Variants in NOD1 observed in about 807,000 individuals in gnomAD.
NOD1 encodes the protein nucleotide-binding oligomerization domain-containing protein 1.
Under a neutral mutation model 81.2 loss-of-function variants are expected in NOD1, and 70 were observed. That is an observed-to-expected ratio of 0.86 (90% confidence interval 0.71 to 1.05). The LOEUF is 1.05. Ranked by LOEUF, NOD1 falls within the 50% of genes least tolerant of loss-of-function variation. The pLI is 0.00. For missense variants in NOD1, 1,233 were observed against 1,228.0 expected, an observed-to-expected ratio of 1.00 and a Z score of -0.06; for synonymous variants, 508 against 526.9, an observed-to-expected ratio of 0.96 and a Z score of 0.49.
intron 3 of NOD1, among the ~76,000 whole-genome samples, chr7:30,458,107 G>A (rs1177971299): frequency 6.6e-6 from 1 of 152,132 alleles, no homozygotes; most frequent in African/African-American, 2.4e-5. Flanking sequence ...GTCTGGGTAG[G>A]AACAGGGACC....
chr7:30,469,255 G>A lies in NOD1; in HGVS notation c.-351-9214C>T, dbSNP rs1200352010. 5.1e-6 allele frequency: 5 copies of A among 984,948 alleles called. No individual in the cohort carries two copies. The African/African-American group carries it at 7.0e-5, about 14-fold the overall frequency. The allele number at this position is 984,948 out of a possible 1,614,324, so 61.0% of individuals were successfully genotyped here. A position where few individuals can be genotyped will look rare whatever the true frequency, so the allele number is the denominator to read the frequency against. On this transcript the variant is annotated intron_variant, in intron 1 of 13. Transcript: ENST00000222823. ...GGAGACAATTTAGCAGATGGATGAAGCTACAATTATTATTGGAAGCTTTTT... is the reference window on the plus strand; with the variant it reads ...GGAGACAATTTAGCAGATGGATGAAACTACAATTATTATTGGAAGCTTTTT...
At chr7:30,447,830 T>A (rs1041839324) in intron 7 of NOD1, 5 of 157,734 alleles carry the variant, frequency 3.2e-5, no homozygotes, top group Admixed American at 2.5e-4. Context: ...GACTGTTTCA[T>A]ACATTCTGCG....
intron 13 of NOD1, 120 bp downstream of exon 13, chr7:30,429,254 T>C (rs1562650577): frequency 2.4e-6 from 2 of 847,398 alleles, no homozygotes; most frequent in South Asian, 2.8e-5. Context: ...GGTAATACCA[T>C]TACTGTGCAG....
chr7:30,459,437 T>C (rs755703943), intron 2 of NOD1, among the ~76,000 whole-genome samples, 197 bp from the exon 3 acceptor site: 9 of 152,244 alleles, frequency 5.9e-5, no homozygotes, highest in Non-Finnish European at 1.3e-4. Context: ...CTTGCCATAA[T>C]TGAGTCACAC....
chr7:30,446,506 C>G, intron 8 of NOD1: 1 of 474,418 alleles, frequency 2.1e-6, no homozygotes, highest in Non-Finnish European at 3.8e-6. Context: ...AGCAGCATCA[C>G]TGACTTCCCT....
chr7:30,477,484 C>T (rs1041668131), intron 1 of NOD1, among the ~76,000 whole-genome samples: 2 of 152,106 alleles, frequency 1.3e-5, no homozygotes, highest in African/African-American at 2.4e-5. Context: ...TTGGCAAGCA[C>T]GACTTCTGGC....
intron 5 of NOD1, among the ~76,000 whole-genome samples, chr7:30,453,269 T>G (rs1051142577): frequency 5.9e-5 from 9 of 152,042 alleles, no homozygotes; most frequent in Non-Finnish European, 7.4e-5. Context: ...GACCTCAGAT[T>G]TGCCAGAAAG....
At position 30,448,330 on chromosome 7, in the gene NOD1, C is replaced by G; in HGVS notation, c.2253G>C (p.Glu751Asp). The change falls in exon 7 of 14, where the codon GAG becomes GAC. Residue 751 changes from glutamate to aspartate, a missense_variant. By Grantham distance (45) the Glu-to-Asp change is conservative (BLOSUM62 2). Coordinates refer to ENST00000222823, the MANE Select transcript of NOD1 (RefSeq NM_006092.4). ...TDGGVKVLSE[E>D]LTKYKIVTYL... ...AGGTCACAATTTTGTATTTGGTCAGCTCTTCGCTTAGCACCTTTACCCCAC... is the reference window on the plus strand; with the variant it reads ...AGGTCACAATTTTGTATTTGGTCAGGTCTTCGCTTAGCACCTTTACCCCAC... 6.2e-7 allele frequency: 1 copy of G among 1,614,238 alleles called. No homozygotes were observed. The highest frequency in any genetic ancestry group is 8.5e-7 in the Non-Finnish European group (1 of 1,180,036).
At chr7:30,453,140 CA>C in intron 5 of NOD1, 100 bp from the exon 6 acceptor site, 1 of 1,323,050 alleles carries the variant, frequency 7.6e-7, no homozygotes. Context: ...AGTGCATAAA[CA>C]AAATTCACAA....
intron 9 of NOD1, among the ~76,000 whole-genome samples, chr7:30,439,315 G>T (rs942482177): frequency 7.1e-6 from 1 of 140,402 alleles, no homozygotes; most frequent in African/African-American, 3.2e-5. Context: ...CGCAGAAGAC[G>T]GGTGATTTCT....
chr7:30,462,821 C>T (rs1467979516), intron 1 of NOD1, among the ~76,000 whole-genome samples: 1 of 151,924 alleles, frequency 6.6e-6, no homozygotes, highest in Non-Finnish European at 1.5e-5. Flanking sequence ...TCGTGGTGCA[C>T]ACCTGTAATC....
At chr7:30,460,722 C>T in intron 1 of NOD1, 1 of 974,582 alleles carries the variant, frequency 1.0e-6, no homozygotes, top group Non-Finnish European at 1.2e-6. Context: ...AGTGAGGGAG[C>T]CCCGAAGGGA....
intron 1 of NOD1, among the ~76,000 whole-genome samples, chr7:30,473,202 T>G (rs1788449340): frequency 6.6e-6 from 1 of 152,130 alleles, no homozygotes; most frequent in African/African-American, 2.4e-5. Flanking sequence ...GGCCCCCAAA[T>G]TCCACTGACC....
chr7:30,436,261 CCACA>C (rs1784372458), intron 10 of NOD1, among the ~76,000 whole-genome samples, 180 bp from the exon 11 acceptor site: 1 of 152,224 alleles, frequency 6.6e-6, no homozygotes, highest in East Asian at 1.9e-4. Flanking sequence ...GCCCCAGAGC[CCACA>C]CACAGAGCAC....
At chr7:30,471,769 G>A (rs1788298848) in intron 1 of NOD1, among the ~76,000 whole-genome samples, 1 of 152,148 alleles carries the variant, frequency 6.6e-6, no homozygotes, top group Admixed American at 6.5e-5. Context: ...CCACTCTTCG[G>A]GGTCTTTTGT....
rs1158272709 is a variant in NOD1 at position 30,439,394 on chromosome 7, T to C, written c.2454-1738A>G. ...CAGACAGTGGGCGCAGGCCAGTGTG[T>C]GCGCGCACCGTGCGCGAGCCGAAGC... On this transcript the variant is annotated intron_variant, in intron 9 of 13. Transcript: ENST00000222823. 3.6e-5 allele frequency among the ~76,000 whole-genome samples: 5 copies of C among 138,672 alleles called. No individual in the cohort carries two copies. In the East Asian group the frequency reaches 6.3e-4, roughly 17 times the overall value. 91.0% of individuals were successfully genotyped at this position (138,672 alleles called of 152,430 possible).
chr7:30,454,658 G>A (rs188906017), intron 5 of NOD1, among the ~76,000 whole-genome samples: 57 of 152,150 alleles, frequency 3.7e-4, no homozygotes, highest in Non-Finnish European at 6.9e-4. Flanking sequence ...TTAGAGACAG[G>A]GTCTCACTCT....
chr7:30,450,731 A>T (rs930962493), intron 6 of NOD1, among the ~76,000 whole-genome samples: 1 of 152,102 alleles, frequency 6.6e-6, no homozygotes, highest in Non-Finnish European at 1.5e-5. Flanking sequence ...TCTTAAAAGG[A>T]AGGTTCTTTA....
chr7:30,468,376 C>T (rs566900575), intron 1 of NOD1, among the ~76,000 whole-genome samples: 2 of 152,336 alleles, frequency 1.3e-5, no homozygotes, highest in Non-Finnish European at 2.9e-5. Context: ...AGGGGCCTCA[C>T]ATTTTCCTAA....
Sources: gnomAD v4.1 joint callset for allele counts (sites outside exome capture counted in the v4.1 genomes callset) on GRCh38, gnomAD v4.1.1 for gene constraint, MANE v1.5 for transcripts, NCBI Gene and HGNC (gene_info 2026-07-23, HGNC 2026-07-21) for gene names.